PIGQ: variants seen among roughly 807,000 people sequenced by gnomAD.
PIGQ encodes the protein phosphatidylinositol N-acetylglucosaminyltransferase subunit Q.
Under a neutral mutation model 60.3 loss-of-function variants are expected in PIGQ, and 54 were observed. That is an observed-to-expected ratio of 0.90 (90% confidence interval 0.72 to 1.12). PIGQ has a LOEUF of 1.12. PIGQ is among the 50% of genes most tolerant of loss of function. PIGQ has a pLI of 0.00. For missense variants in PIGQ, 799 were observed against 793.5 expected (o/e 1.01, Z -0.08); for synonymous variants, 416 against 363.7 (o/e 1.14, Z -1.64).
Position 575,875 on chromosome 16 carries a change from C to A in PIGQ, c.726C>A (p.Ser242Arg). 6.4e-7 allele frequency: 1 copy of A among 1,572,624 alleles called. No homozygotes were observed. Residue 242 changes from serine (S) to arginine (R), a missense_variant, in exon 3 of 11, where the codon AGC becomes AGA. By Grantham distance (110) the Ser-to-Arg change is moderately radical. Coordinates refer to ENST00000321878, the MANE Select transcript of PIGQ (RefSeq NM_004204.5). ...TCTGGCCCCTGTCCTTCCTCGGGAGCAAACTCTCCACGTGCGAACAGCTCC... is the reference window on the plus strand; with the variant it reads ...TCTGGCCCCTGTCCTTCCTCGGGAGAAAACTCTCCACGTGCGAACAGCTCC... ...FKLWPLSFLG[S>R]KLSTCEQLRH...
chr16:584,070 C>T lies in PIGQ; in HGVS notation c.*1035C>T, dbSNP rs774460971. On this transcript the variant is annotated 3_prime_UTR_variant, in exon 11 of 11. Transcript: ENST00000321878. ...CCTGGCAACCCAGCACCGGGGAAGC[C>T]GTCAGCTGCTGTGACAATAAAACCT... 5 of 290,294 alleles carry T rather than the reference C, an allele frequency of 1.7e-5. No homozygotes were observed. The highest frequency in any genetic ancestry group is 4.4e-5 in the Admixed American group (1 of 22,758). The allele number at this position is 290,294 out of a possible 1,614,324, so 18.0% of individuals were successfully genotyped here.
chr16:574,017 TG>T (rs769230405), intron 1 of PIGQ, 48 bp from the exon 2 acceptor site: 11 of 1,327,960 alleles, frequency 8.3e-6, no homozygotes, highest in Admixed American at 2.1e-5. Context: ...CAGCCCACGG[TG>T]GGGGGGCAGC....
intron 8 of PIGQ, 64 bp from the exon 9 acceptor site, chr16:580,794 G>A: frequency 1.3e-6 from 1 of 796,708 alleles, no homozygotes; most frequent in Non-Finnish European, 2.2e-6. Context: ...CCCAGGATGG[G>A]GTCGGACTGC....
chr16:578,985 G>T, intron 6 of PIGQ, 47 bp downstream of exon 6: 4 of 1,545,182 alleles, frequency 2.6e-6, no homozygotes, highest in Non-Finnish European at 3.5e-6. Context: ...GAGGTGCAGA[G>T]GCTCCGGCTG....
At chr16:571,404 GTC>G in intron 1 of PIGQ, among the ~76,000 whole-genome samples, 2 of 141,518 alleles carry the variant, frequency 1.4e-5, no homozygotes, top group East Asian at 2.2e-4. Flanking sequence ...GTGTGTGTGT[GTC>G]TGGCTAGCCT....
Position 578,354 on chromosome 16 carries a change from C to G in PIGQ, c.943-25C>G, listed in dbSNP as rs76336403. 6.9e-4 allele frequency: 1,095 copies of G among 1,598,202 alleles called. 4 individuals are homozygous for G. In the African/African-American group the frequency reaches 0.011, roughly 16 times the overall value. ...GTGCTGAGCCTGGCTGCCCCCGCCC[C>G]AGCGTGGCCCCTGTGTCCCTGCAGC... On this transcript the variant is annotated intron_variant, in intron 4 of 10. Coordinates refer to ENST00000321878, the MANE Select transcript of PIGQ (RefSeq NM_004204.5).
In PIGQ at chr16:574,252, G is replaced by A. The variant is rs1417725796; in HGVS notation, c.178G>A (p.Val60Met). 1.1e-5 allele frequency: 17 copies of A among 1,609,082 alleles called. No individual in the cohort carries two copies. Among genetic ancestry groups the A allele is most frequent in the Non-Finnish European group, 1.4e-5 (16 of 1,179,428 alleles). ...GGTGCGGCAGGCCAGCCAGGTGGGC[G>A]TGGCCGTGCTGGGCACCTGGTGCCA... ...AQVRQASQVG[V>M]AVLGTWCHCR... The change falls in exon 2 of 11, where the codon GTG becomes ATG. Residue 60 changes from valine (V) to methionine (M), a missense_variant. By Grantham distance (21) the Val-to-Met change is conservative. Transcript: ENST00000321878.
At chr16:580,648 A>G in intron 8 of PIGQ, 1 of 593,148 alleles carries the variant, frequency 1.7e-6, no homozygotes, top group Non-Finnish European at 3.0e-6. Context: ...GGCACCTCTG[A>G]CCTGGTGAGA....
intron 9 of PIGQ, 85 bp downstream of exon 9, chr16:581,057 G>T: frequency 7.6e-7 from 1 of 1,321,106 alleles, no homozygotes; most frequent in Non-Finnish European, 1.1e-6. Flanking sequence ...GGACAGCATG[G>T]GCCACTGTGC....
Position 574,546 on chromosome 16 carries a change from A to C in PIGQ, c.472A>C (p.Ser158Arg). The C allele has an allele frequency of 6.2e-7, 1 of 1,605,276 alleles. No homozygotes were observed. The highest frequency in any genetic ancestry group is 8.5e-7 in the Non-Finnish European group (1 of 1,176,488). The part of the protein sequence containing the change: ...PDRQAGATTA[S>R]TGGLAAVFDT... ...CCGCCAGGCTGGAGCCACCACTGCC[A>C]GCACGGGGGGCCTGGCTGCCGTCTT... Residue 158 changes from serine to arginine, a missense_variant, in exon 2 of 11, where the codon AGC (serine) becomes CGC (arginine). By Grantham distance (110) the Ser-to-Arg change is moderately radical. Coordinates refer to ENST00000321878, the MANE Select transcript of PIGQ (RefSeq NM_004204.5).
chr16:578,673 C>A, intron 5 of PIGQ, 112 bp from the exon 6 acceptor site: 2 of 1,456,210 alleles, frequency 1.4e-6, no homozygotes, highest in Non-Finnish European at 1.9e-6. Flanking sequence ...CTCCCGAGGG[C>A]TGACCCCACC....
At position 574,678 on chromosome 16, in the gene PIGQ, G is replaced by C; in HGVS notation, c.604G>C (p.Ala202Pro). ...QSEGVEASIL[A>P]ELARRASGPI... Reference sequence around the variant, plus strand: ...GGAGGGCGTGGAGGCCAGCATCCTCGCGGAGCTGGCCAGGCGAGCCTCGGG... The same window carrying C: ...GGAGGGCGTGGAGGCCAGCATCCTCCCGGAGCTGGCCAGGCGAGCCTCGGG... The change falls in exon 2 of 11, where the codon GCG becomes CCG. Residue 202 changes from alanine (A) to proline (P), a missense_variant. Coordinates refer to ENST00000321878, the MANE Select transcript of PIGQ (RefSeq NM_004204.5). 1 of 1,605,824 alleles carries C rather than the reference G, an allele frequency of 6.2e-7. No homozygotes were observed.
In PIGQ at chr16:572,282, C is replaced by T. The variant is rs371441701; in HGVS notation, c.-9-1784C>T. On this transcript the variant is annotated intron_variant, in intron 1 of 10. Transcript: ENST00000321878. ...ACGTCAGCTGGCCTCCAGGCATCCACCCGCCGCCTGCCCTCTCTGACCACT... is the reference window on the plus strand; with the variant it reads ...ACGTCAGCTGGCCTCCAGGCATCCATCCGCCGCCTGCCCTCTCTGACCACT... 1.1e-4 allele frequency among the ~76,000 whole-genome samples: 16 copies of T among 151,246 alleles called. No homozygotes were observed. In the East Asian group the frequency reaches 2.2e-3, roughly 20 times the overall value.
Position 583,203 on chromosome 16 carries a change from A to T in PIGQ, c.*168A>T. On this transcript the variant is annotated 3_prime_UTR_variant, in exon 11 of 11. Transcript: ENST00000321878. ...CACCTTGGGCTTGGAGGTCATTGGG[A>T]GTGAGCAGATGTGGGGGTGGCCAGC... The T allele has an allele frequency of 1.9e-6, 3 of 1,613,196 alleles. No individual in the cohort carries two copies. The highest frequency in any genetic ancestry group is 1.7e-6 in the Non-Finnish European group (2 of 1,179,978).
At chr16:577,310 G>C (rs899700189) in intron 4 of PIGQ, 2 of 152,210 alleles carry the variant, frequency 1.3e-5, no homozygotes. Flanking sequence ...GGGGGTGGTG[G>C]CTCATGCCTG....
Position 574,340 on chromosome 16 carries a change from C to G in PIGQ, c.266C>G (p.Pro89Arg). ...CTGGAGAGCCTGGGTGCTGTCTTCC[C>G]CCATGAGCCCTGGCTGCGGCTGTGC... ...RFLESLGAVF[P>R]HEPWLRLCRE... The change falls in exon 2 of 11, where the codon CCC becomes CGC. Residue 89 changes from proline to arginine, a missense_variant. By Grantham distance (103) the Pro-to-Arg change is moderately radical. Transcript: ENST00000321878. 1 of 1,609,010 alleles carries G rather than the reference C, an allele frequency of 6.2e-7. No individual in the cohort carries two copies. The highest frequency in any genetic ancestry group is 8.5e-7 in the Non-Finnish European group (1 of 1,179,436).
rs1273851167 is a variant in PIGQ, at chr16:571,576, G to GTGTA, written c.-10+1483_-10+1484insATGT. Among the ~76,000 whole-genome samples, 2 of 122,838 alleles carry GTGTA rather than the reference G, an allele frequency of 1.6e-5. 1 individual carries two copies. Among genetic ancestry groups the GTGTA allele is most frequent in the African/African-American group, 6.4e-5 (2 of 31,134 alleles). 80.6% of individuals were successfully genotyped at this position (122,838 alleles called of 152,430 possible). ...TGTCTGGCTAGCCTGGTGCCCGTGT[G>GTGTA]TGTGTGTGTGTGTGTGTGTGGCTAG... On this transcript the variant is annotated intron_variant, in intron 1 of 10. Coordinates refer to ENST00000321878, the MANE Select transcript of PIGQ (RefSeq NM_004204.5).
At chr16:573,663 T>C (rs909766013) in intron 1 of PIGQ, among the ~76,000 whole-genome samples, 1 of 152,230 alleles carries the variant, frequency 6.6e-6, no homozygotes, top group Non-Finnish European at 1.5e-5. Flanking sequence ...GTGCTACACC[T>C]TTAAGCACAC....
chr16:582,058 A>T, intron 9 of PIGQ, 190 bp from the exon 10 acceptor site: 1 of 673,646 alleles, frequency 1.5e-6, no homozygotes, highest in Admixed American at 2.1e-5. Flanking sequence ...GCCTGGCTGC[A>T]GGAGGCTTTG....
Sources: allele counts gnomAD v4.1 joint callset (sites outside exome capture counted in the v4.1 genomes callset), GRCh38; gene constraint gnomAD v4.1.1; transcripts MANE v1.5; gene names NCBI Gene and HGNC (gene_info 2026-07-23, HGNC 2026-07-21).